TRIP12: variants seen among roughly 807,000 people sequenced by gnomAD.
TRIP12 encodes E3 ubiquitin-protein ligase TRIP12.
Under a neutral mutation model 244.2 loss-of-function variants are expected in TRIP12, and 25 were observed. The ratio of observed to expected loss-of-function variants is 0.10; its 90% CI spans 0.07 to 0.14. The LOEUF is 0.14. Among genes scored for constraint, TRIP12 ranks in the 10% least tolerant of loss-of-function variants. The probability of loss-of-function intolerance (pLI) is 1.00; values close to 1 mark genes in which losing one functional copy is unlikely to be tolerated. For synonymous variants in TRIP12, 905 were observed against 873.1 expected, an observed-to-expected ratio of 1.04 and a Z score of -0.64; for missense variants, 1,677 against 2,486.4, an observed-to-expected ratio of 0.67 and a Z score of 6.92.
intron 2 of TRIP12, among the ~76,000 whole-genome samples, chr2:229,873,759 TAGA>T (rs1471444658): frequency 2.0e-5 from 3 of 152,118 alleles, no homozygotes; most frequent in Admixed American, 2.0e-4. Flanking sequence ...AAATAATAAA[TAGA>T]AGGCTATATC....
At chr2:229,795,028 T>C (rs2042468570) in intron 26 of TRIP12, 151 bp downstream of exon 26, 1 of 808,912 alleles carries the variant, frequency 1.2e-6, no homozygotes, top group East Asian at 2.7e-5. Flanking sequence ...AAGCATTTGA[T>C]TCATTCTTTA....
intron 2 of TRIP12, among the ~76,000 whole-genome samples, chr2:229,865,701 TAG>T (rs2061411670): frequency 6.6e-6 from 1 of 152,166 alleles, no homozygotes; most frequent in Non-Finnish European, 1.5e-5. Flanking sequence ...TTCTAAAAAT[TAG>T]ATATTTTATT....
intron 6 of TRIP12, among the ~76,000 whole-genome samples, chr2:229,835,029 CT>C (rs1298141616): frequency 6.6e-6 from 1 of 152,184 alleles, no homozygotes; most frequent in Non-Finnish European, 1.5e-5. Flanking sequence ...TAGGTATTTT[CT>C]TCTACATTCC....
chr2:229,867,163 G>GTTTTT (rs2061673038), intron 2 of TRIP12, among the ~76,000 whole-genome samples: 1 of 47,580 alleles, frequency 2.1e-5, no homozygotes. Flanking sequence ...TTTTTTGTTT[G>GTTTTT]TTTGTTTGTT....
chr2:229,861,529 A>T (rs1427068766), intron 2 of TRIP12, among the ~76,000 whole-genome samples: 2 of 152,086 alleles, frequency 1.3e-5, no homozygotes, highest in Non-Finnish European at 1.5e-5. Context: ...TTTACTTGTT[A>T]AAAAAAAGTT....
intron 5 of TRIP12, among the ~76,000 whole-genome samples, chr2:229,839,016 T>G (rs930958259): frequency 6.6e-6 from 1 of 152,200 alleles, no homozygotes; most frequent in Non-Finnish European, 1.5e-5. Flanking sequence ...CCCCCTGCAT[T>G]ACTAGTGTTG....
At chr2:229,857,836 A>G (rs2059857683) in intron 4 of TRIP12, among the ~76,000 whole-genome samples, 1 of 152,222 alleles carries the variant, frequency 6.6e-6, no homozygotes, top group South Asian at 2.1e-4. Flanking sequence ...ATGTATTCTC[A>G]AAACACAAAT....
intron 4 of TRIP12, among the ~76,000 whole-genome samples, chr2:229,849,873 C>G (rs1353076726): frequency 1.3e-5 from 2 of 150,974 alleles, no homozygotes; most frequent in African/African-American, 2.4e-5. Context: ...ATAACTCTTT[C>G]ACTTAACACT....
At chr2:229,915,338 T>C (rs1343116785) in intron 1 of TRIP12, among the ~76,000 whole-genome samples, 1 of 152,220 alleles carries the variant, frequency 6.6e-6, no homozygotes, top group Non-Finnish European at 1.5e-5. Flanking sequence ...CAAAATGGCT[T>C]GCCCTAATTC....
chr2:229,891,172 G>T (rs570601321), intron 1 of TRIP12, among the ~76,000 whole-genome samples: 25 of 152,174 alleles, frequency 1.6e-4, no homozygotes, highest in African/African-American at 6.0e-4. Flanking sequence ...TGTAATGCCA[G>T]CACTTTTGGA....
intron 33 of TRIP12, among the ~76,000 whole-genome samples, chr2:229,786,578 T>C (rs1275381974): frequency 7.1e-6 from 1 of 141,426 alleles, no homozygotes; most frequent in East Asian, 2.0e-4. Context: ...TTTTTTTTTT[T>C]TTTTTTTTTT....
At chr2:229,774,063 A>G (rs996149135) in intron 38 of TRIP12, 34 bp downstream of exon 38, 5 of 1,599,736 alleles carry the variant, frequency 3.1e-6, no homozygotes, top group African/African-American at 2.7e-5. Context: ...CCGTCTTCAC[A>G]ACTGGCCTAC....
At chr2:229,841,506 T>G (rs923046044) in intron 4 of TRIP12, among the ~76,000 whole-genome samples, 1 of 152,208 alleles carries the variant, frequency 6.6e-6, no homozygotes, top group African/African-American at 2.4e-5. Flanking sequence ...GGAAGCTAAC[T>G]AATGCCTTTA....
chr2:229,771,328 T>A (rs568903048), intron 39 of TRIP12, among the ~76,000 whole-genome samples, 191 bp downstream of exon 39: 1 of 152,334 alleles, frequency 6.6e-6, no homozygotes, highest in Non-Finnish European at 1.5e-5. Context: ...CTCCCCAATC[T>A]AAGAGGGGAC....
chr2:229,789,703 C>T lies in TRIP12; in HGVS notation c.4603G>A (p.Glu1535Lys). Residue 1535 changes from glutamate (E) to lysine (K), a missense_variant, in exon 31 of 42, where the codon GAA becomes AAA. Physicochemically the swap from Glu to Lys is moderately conservative, Grantham distance 56 (BLOSUM62 1). Coordinates refer to ENST00000675903, the MANE Select transcript of TRIP12 (RefSeq NM_001348323.3). ...GACGGGTCTTCAAATGTTATATTTT[C>T]AGGTGGTGTGGGAATGAGGTAAACT... ...LEVYLIPTPP[E>K]NITFEDPSLD... 6.2e-7 allele frequency: 1 copy of T among 1,614,048 alleles called. No homozygotes were observed. The highest frequency in any genetic ancestry group is 8.5e-7 in the Non-Finnish European group (1 of 1,179,986).
intron 6 of TRIP12, 166 bp from the exon 7 acceptor site, chr2:229,831,005 T>G: frequency 1.5e-6 from 1 of 683,350 alleles, no homozygotes; most frequent in Non-Finnish European, 2.7e-6. Flanking sequence ...TCCTGTAGCT[T>G]TTAGGAATGA....
intron 39 of TRIP12, among the ~76,000 whole-genome samples, chr2:229,770,202 C>G (rs1346742855): frequency 1.3e-5 from 2 of 152,134 alleles, no homozygotes; most frequent in East Asian, 3.9e-4. Flanking sequence ...TTTCCGAGCT[C>G]AAGTGATCTT....
intron 8 of TRIP12, among the ~76,000 whole-genome samples, chr2:229,828,956 A>C (rs1201840502): frequency 6.6e-6 from 1 of 152,204 alleles, no homozygotes; most frequent in African/African-American, 2.4e-5. Flanking sequence ...ATAATTATCA[A>C]TGTAATTGTT....
Position 229,778,850 on chromosome 2 carries a change from C to A in TRIP12, c.5209+26G>T. The A allele has an allele frequency of 6.2e-7, 1 of 1,601,448 alleles. No homozygotes were observed. The highest frequency in any genetic ancestry group is 1.1e-5 in the South Asian group (1 of 90,756). On this transcript the variant is annotated intron_variant, in intron 35 of 41. Coordinates refer to ENST00000675903, the MANE Select transcript of TRIP12 (RefSeq NM_001348323.3). The surrounding 1 kb of genome is among the most constrained non-coding windows in gnomAD (Gnocchi z 4.1). ...CATTACCTGATCTGAGTAACACAAACCAACTAACTTACAGATAGGCATTAC... is the reference window on the plus strand; with the variant it reads ...CATTACCTGATCTGAGTAACACAAAACAACTAACTTACAGATAGGCATTAC...
Sources: allele counts gnomAD v4.1 joint callset (sites outside exome capture counted in the v4.1 genomes callset), GRCh38; gene constraint gnomAD v4.1.1; non-coding constraint Gnocchi (gnomAD v3.1); transcripts MANE v1.5; gene names NCBI Gene and HGNC (gene_info 2026-07-23, HGNC 2026-07-21).